PBX3: variants seen among roughly 807,000 people sequenced by gnomAD.
PBX3 encodes the protein PBX homeobox 3.
PBX3 carries 14 observed loss-of-function variants against 48.5 expected under a neutral mutation model. That is an observed-to-expected ratio of 0.29 (90% CI 0.19 to 0.45). The LOEUF (loss-of-function observed/expected upper bound fraction) is 0.45. PBX3 is among the 20% of genes least tolerant of loss of function. The pLI is 1.00. For synonymous variants in PBX3, 210 were observed against 200.3 expected (o/e 1.05, Z -0.41); for missense variants, 386 against 546.7 (o/e 0.71, Z 2.93).
intron 2 of PBX3, among the ~76,000 whole-genome samples, chr9:125,908,434 A>G (rs1211700897): frequency 6.6e-6 from 1 of 152,080 alleles, no homozygotes; most frequent in East Asian, 1.9e-4. Flanking sequence ...GGAATGGGGG[A>G]ACACAAGGAT....
intron 2 of PBX3, among the ~76,000 whole-genome samples, chr9:125,861,087 C>T (rs759109224): frequency 6.6e-6 from 1 of 151,480 alleles, no homozygotes; most frequent in Non-Finnish European, 1.5e-5. Flanking sequence ...GAAGTCTGAG[C>T]CCAGCCTGGG....
At chr9:125,756,059 G>A (rs756857932) in intron 2 of PBX3, among the ~76,000 whole-genome samples, 17 of 152,068 alleles carry the variant, frequency 1.1e-4, no homozygotes, top group Non-Finnish European at 2.1e-4. Flanking sequence ...CTTCACTAGG[G>A]AAGGAAGGAA....
intron 2 of PBX3, among the ~76,000 whole-genome samples, chr9:125,757,078 T>C (rs1836537905): frequency 6.6e-6 from 1 of 152,122 alleles, no homozygotes; most frequent in Non-Finnish European, 1.5e-5. Context: ...TATAGAGGAA[T>C]TATTGGGAAG....
chr9:125,839,003 G>T lies in PBX3; in HGVS notation c.275-76683G>T, dbSNP rs549724121. Reference sequence around the variant, plus strand: ...GGATTTTTGGTAGAGCTTAACACACGGAGGGGAATGGTTCAGAATATGGGA... The same window carrying T: ...GGATTTTTGGTAGAGCTTAACACACTGAGGGGAATGGTTCAGAATATGGGA... On this transcript the variant is annotated intron_variant, in intron 2 of 8. Transcript: ENST00000373489. 2.6e-5 allele frequency among the ~76,000 whole-genome samples: 4 copies of T among 152,146 alleles called. No individual in the cohort carries two copies. In the East Asian group the frequency reaches 7.7e-4, roughly 29 times the overall value.
intron 2 of PBX3, among the ~76,000 whole-genome samples, chr9:125,839,874 A>T (rs1839240243): frequency 6.6e-6 from 1 of 152,152 alleles, no homozygotes; most frequent in African/African-American, 2.4e-5. Flanking sequence ...GACATCTGAT[A>T]TATGTATACT....
intron 3 of PBX3, among the ~76,000 whole-genome samples, chr9:125,919,359 A>AT (rs34891465): frequency 0.032 from 3,261 of 102,836 alleles, 99 homozygotes; most frequent in East Asian, 0.15. Flanking sequence ...TGCCCGTCTA[A>AT]TTTTTTTTTT....
Position 125,747,667 on chromosome 9 carries a change from C to T in PBX3, c.200+14C>T. 3 of 1,570,222 alleles carry T rather than the reference C, an allele frequency of 1.9e-6. No individual in the cohort carries two copies. The highest frequency in any genetic ancestry group is 2.6e-6 in the Non-Finnish European group (3 of 1,157,466). ...GGCGCAAGCAAAGTTGGTGTCGTCTCATTAAGCATCTTTTGTGTGTGTGCG... is the reference window on the plus strand; with the variant it reads ...GGCGCAAGCAAAGTTGGTGTCGTCTTATTAAGCATCTTTTGTGTGTGTGCG... On this transcript the variant is annotated intron_variant, in intron 1 of 8. Coordinates refer to ENST00000373489, the MANE Select transcript of PBX3 (RefSeq NM_006195.6).
intron 2 of PBX3, among the ~76,000 whole-genome samples, chr9:125,868,701 C>A (rs990113607): frequency 1.3e-5 from 2 of 152,184 alleles, no homozygotes; most frequent in Non-Finnish European, 2.9e-5. Flanking sequence ...TGAACTTGCC[C>A]ATGGCCCCAG....
At chr9:125,766,502 C>G (rs540575268) in intron 2 of PBX3, among the ~76,000 whole-genome samples, 2 of 152,088 alleles carry the variant, frequency 1.3e-5, no homozygotes, top group African/African-American at 4.8e-5. Context: ...ACTCTGTTTT[C>G]TAGTGAGGAA....
At chr9:125,791,880 C>CTCCG (rs776296426) in intron 2 of PBX3, among the ~76,000 whole-genome samples, 8 of 150,514 alleles carry the variant, frequency 5.3e-5, no homozygotes, top group Non-Finnish European at 1.0e-4. Flanking sequence ...AGGTTGCAGA[C>CTCCG]TCCGTCTCAA....
At chr9:125,952,912 C>G (rs1277599436) in intron 5 of PBX3, among the ~76,000 whole-genome samples, 2 of 151,834 alleles carry the variant, frequency 1.3e-5, no homozygotes, top group Non-Finnish European at 2.9e-5. Flanking sequence ...ACATGATAGT[C>G]ACATGTTAGT....
At chr9:125,800,632 A>G (rs1837912168) in intron 2 of PBX3, among the ~76,000 whole-genome samples, 1 of 151,926 alleles carries the variant, frequency 6.6e-6, no homozygotes, top group East Asian at 1.9e-4. Flanking sequence ...ATCCAGGAGA[A>G]GTTTTTTTTT....
chr9:125,900,225 C>A (rs1302739294), intron 2 of PBX3, among the ~76,000 whole-genome samples: 2 of 105,238 alleles, frequency 1.9e-5, no homozygotes, highest in African/African-American at 3.8e-5. Context: ...CCCCTCCCCC[C>A]ACATCCCGCC....
chr9:125,903,822 AAG>A (rs1841007586), intron 2 of PBX3, among the ~76,000 whole-genome samples: 1 of 151,910 alleles, frequency 6.6e-6, no homozygotes, highest in African/African-American at 2.4e-5. Flanking sequence ...TAATATGTAT[AAG>A]AGGTGGTAAA....
chr9:125,799,707 T>C (rs1837884901), intron 2 of PBX3, among the ~76,000 whole-genome samples: 3 of 152,212 alleles, frequency 2.0e-5, no homozygotes, highest in Non-Finnish European at 4.4e-5. Context: ...CATTAGCAGA[T>C]AATTCTCTAT....
Position 125,864,127 on chromosome 9 carries a change from T to C in PBX3, c.275-51559T>C, listed in dbSNP as rs377141444. Among the ~76,000 whole-genome samples the C allele has an allele frequency of 2.9e-4, 44 of 152,332 alleles. No homozygotes were observed. The East Asian group carries it at 6.0e-3, about 21-fold the overall frequency. On this transcript the variant is annotated intron_variant, in intron 2 of 8. Coordinates refer to ENST00000373489, the MANE Select transcript of PBX3 (RefSeq NM_006195.6). ...GAATATTGCAGAACTTCTCAGAGCA[T>C]TTAAAATGATGATATACTTTGGGAT...
At chr9:125,877,484 CGTAA>C in intron 2 of PBX3, among the ~76,000 whole-genome samples, 1 of 152,164 alleles carries the variant, frequency 6.6e-6, no homozygotes, top group Admixed American at 6.5e-5. Flanking sequence ...CAAAGAGCTA[CGTAA>C]GTGTGTAAAA....
chr9:125,889,582 A>G (rs892074555), intron 2 of PBX3, among the ~76,000 whole-genome samples: 2 of 151,968 alleles, frequency 1.3e-5, no homozygotes, highest in African/African-American at 4.8e-5. Context: ...TGACAGGCTG[A>G]TTTTCCACCC....
chr9:125,923,456 C>G (rs1841498252), intron 3 of PBX3, among the ~76,000 whole-genome samples: 1 of 152,228 alleles, frequency 6.6e-6, no homozygotes, highest in African/African-American at 2.4e-5. Context: ...AGGACTTAGA[C>G]TCTTAACAAT....
Sources: gnomAD v4.1 joint callset for allele counts (sites outside exome capture counted in the v4.1 genomes callset) on GRCh38, gnomAD v4.1.1 for gene constraint, MANE v1.5 for transcripts, NCBI Gene and HGNC (gene_info 2026-07-23, HGNC 2026-07-21) for gene names.